Variants in FYN observed in about 807,000 individuals in gnomAD.
The protein encoded by FYN is FYN proto-oncogene, Src family tyrosine kinase.
Under a neutral mutation model 70.2 loss-of-function variants are expected in FYN, and 10 were observed. That is an observed-to-expected ratio of 0.14 (90% CI 0.09 to 0.24). The LOEUF (loss-of-function observed/expected upper bound fraction) is 0.24. Ranked by LOEUF, FYN falls within the 10% of genes least tolerant of loss-of-function variation. The pLI is 1.00. For synonymous variants in FYN, 236 were observed against 248.6 expected (o/e 0.95, Z 0.48); for missense variants, 319 against 673.1 (o/e 0.47, Z 5.82).
chr6:111,775,400 ACTTTT>A (rs1225855038), intron 3 of FYN, among the ~76,000 whole-genome samples: 1 of 152,192 alleles, frequency 6.6e-6, no homozygotes. Context: ...CGAAAATGAT[ACTTTT>A]CTTAGTGAGC....
chr6:111,738,819 G>T (rs1374107135), intron 3 of FYN, among the ~76,000 whole-genome samples: 1 of 152,184 alleles, frequency 6.6e-6, no homozygotes, highest in Middle Eastern at 3.2e-3. Flanking sequence ...CCCTGTGAAG[G>T]CTGGCCTTTA....
At chr6:111,835,876 A>T (rs1271730660) in intron 2 of FYN, among the ~76,000 whole-genome samples, 1 of 152,192 alleles carries the variant, frequency 6.6e-6, no homozygotes, top group African/African-American at 2.4e-5. Flanking sequence ...TGATCAGATT[A>T]TTGGAAGAGA....
At chr6:111,666,068 C>A (rs1420656077) in intron 13 of FYN, among the ~76,000 whole-genome samples, 5 of 131,432 alleles carry the variant, frequency 3.8e-5, no homozygotes, top group Admixed American at 1.7e-4. Flanking sequence ...GTGGCACAAT[C>A]TCGGCTCACT....
At position 111,786,065 on chromosome 6, in the gene FYN, A is replaced by AT. The variant is rs952854930; in HGVS notation, c.-81-5431dup. On this transcript the variant is annotated intron_variant, in intron 2 of 13. Coordinates refer to ENST00000354650, the MANE Select transcript of FYN (RefSeq NM_002037.5). ...GTGCCACATTCTTTTATTTTAAATT[A>AT]TTTTTTTATTATACTTTAAGTTCTA... 2.7e-3 allele frequency among the ~76,000 whole-genome samples: 395 copies of AT among 146,684 alleles called. 4 individuals carry two copies. The highest frequency in any genetic ancestry group is 9.2e-3 in the African/African-American group (366 of 39,656).
rs1058134 is a variant in FYN at position 111,700,152 on chromosome 6, G to T, written c.814C>A (p.Gln272Lys). 1 of 1,614,020 alleles carries T rather than the reference G, an allele frequency of 6.2e-7. No individual in the cohort carries two copies. Among genetic ancestry groups the T allele is most frequent in the East Asian group, 2.2e-5 (1 of 44,886 alleles). The change falls in exon 9 of 14, where the codon CAG (glutamine) becomes AAG (lysine). Residue 272 changes from glutamine (Q) to lysine (K), a missense_variant. By Grantham distance (53) the Gln-to-Lys change is moderately conservative. Transcript: ENST00000354650. Reference sequence around the variant, plus strand: ...CCATTTCCCAGTCTCTTGATCAACTGCAGGGATTCTCGAGGGATTTCCCAG... The same window carrying T: ...CCATTTCCCAGTCTCTTGATCAACTTCAGGGATTCTCGAGGGATTTCCCAG... ...DVWEIPRESL[Q>K]LIKRLGNGQF...
At chr6:111,676,929 C>T (rs543162426) in intron 12 of FYN, among the ~76,000 whole-genome samples, 19 of 152,252 alleles carry the variant, frequency 1.2e-4, no homozygotes, top group Admixed American at 1.2e-3. Context: ...ACGGCAATAT[C>T]AGCCAGTTGC....
At chr6:111,730,049 AGACT>A (rs970181429) in intron 3 of FYN, among the ~76,000 whole-genome samples, 15 of 152,172 alleles carry the variant, frequency 9.9e-5, no homozygotes, top group African/African-American at 2.9e-4. Context: ...TAAGAGGGAG[AGACT>A]GACTGATTCC....
intron 2 of FYN, among the ~76,000 whole-genome samples, chr6:111,794,180 G>A (rs1022146712): frequency 1.3e-5 from 2 of 152,236 alleles, no homozygotes; most frequent in African/African-American, 4.8e-5. Flanking sequence ...CTTCCCAAAG[G>A]AGAGCCCTCC....
At chr6:111,848,774 C>T (rs1339359820) in intron 1 of FYN, among the ~76,000 whole-genome samples, 1 of 152,184 alleles carries the variant, frequency 6.6e-6, no homozygotes, top group Non-Finnish European at 1.5e-5. Flanking sequence ...TTTCTTAAGG[C>T]TGTCTTTCTG....
intron 13 of FYN, among the ~76,000 whole-genome samples, chr6:111,662,436 CA>C (rs1406492060): frequency 6.6e-6 from 1 of 152,202 alleles, no homozygotes; most frequent in Non-Finnish European, 1.5e-5. Context: ...TTCTTTTTAA[CA>C]ACCCTTTAAA....
chr6:111,707,449 C>A (rs1178547241), intron 6 of FYN, among the ~76,000 whole-genome samples: 11 of 152,168 alleles, frequency 7.2e-5, no homozygotes, highest in Non-Finnish European at 1.3e-4. Context: ...GTATGTGAGT[C>A]ACTTTTACCG....
At chr6:111,834,065 T>C (rs1370906676) in intron 2 of FYN, among the ~76,000 whole-genome samples, 2 of 152,176 alleles carry the variant, frequency 1.3e-5, no homozygotes, top group Non-Finnish European at 2.9e-5. Context: ...CAAATGTTGA[T>C]GGAAATAAGC....
chr6:111,835,005 G>A (rs1290432481), intron 2 of FYN, among the ~76,000 whole-genome samples: 3 of 152,130 alleles, frequency 2.0e-5, no homozygotes, highest in African/African-American at 4.8e-5. Flanking sequence ...CCACAGTTAG[G>A]AGTTCCTGGT....
At chr6:111,689,258 G>C (rs1236305538) in intron 12 of FYN, among the ~76,000 whole-genome samples, 1 of 152,180 alleles carries the variant, frequency 6.6e-6, no homozygotes, top group East Asian at 1.9e-4. Context: ...CTGATTCAAA[G>C]CCAGGGATCC....
chr6:111,672,325 A>G (rs547333290), intron 13 of FYN, among the ~76,000 whole-genome samples: 2 of 152,230 alleles, frequency 1.3e-5, no homozygotes, highest in South Asian at 2.1e-4. Flanking sequence ...CCACAGCTAG[A>G]GGCAGTTATC....
chr6:111,851,583 T>G (rs1480459489), intron 1 of FYN, among the ~76,000 whole-genome samples: 7 of 152,198 alleles, frequency 4.6e-5, no homozygotes, highest in Non-Finnish European at 1.0e-4. Flanking sequence ...CCTTCATCCC[T>G]GACCTGTGAA....
intron 5 of FYN, among the ~76,000 whole-genome samples, chr6:111,712,460 A>G (rs1800426771): frequency 6.6e-6 from 1 of 152,078 alleles, no homozygotes; most frequent in Non-Finnish European, 1.5e-5. Flanking sequence ...CTGTCACTTG[A>G]AGGTTCCCAT....
chr6:111,691,414 G>A (rs1799309787), intron 12 of FYN, among the ~76,000 whole-genome samples: 1 of 152,210 alleles, frequency 6.6e-6, no homozygotes, highest in Admixed American at 6.5e-5. Context: ...AATGCCGCCT[G>A]CATTCCCATA....
In FYN at chr6:111,802,529, T is replaced by C. The variant is rs574313730; in HGVS notation, c.-81-21894A>G. ...CTCACTGCAACCTCCACCTCCTGGG[T>C]TCAAGTGATTCTCCTGCTTCAGCCT... On this transcript the variant is annotated intron_variant, in intron 2 of 13. Coordinates refer to ENST00000354650, the MANE Select transcript of FYN (RefSeq NM_002037.5). Among the ~76,000 whole-genome samples, 751 of 152,050 alleles carry C rather than the reference T, an allele frequency of 4.9e-3. 4 individuals carry two copies. Among genetic ancestry groups the C allele is most frequent in the Non-Finnish European group, 8.7e-3 (594 of 67,972 alleles).
Sources: gnomAD v4.1 joint callset for allele counts (sites outside exome capture counted in the v4.1 genomes callset) on GRCh38, gnomAD v4.1.1 for gene constraint, MANE v1.5 for transcripts, NCBI Gene and HGNC (gene_info 2026-07-23, HGNC 2026-07-21) for gene names.